Variants in PPP2R1B observed in about 807,000 individuals in gnomAD.
The protein encoded by PPP2R1B is serine/threonine-protein phosphatase 2A 65 kDa regulatory subunit A beta isoform.
Under a neutral mutation model 72.7 loss-of-function variants are expected in PPP2R1B, and 58 were observed. The observed-to-expected ratio is 0.80, with a 90% CI of 0.65 to 0.99. The LOEUF is 0.99. PPP2R1B is among the 50% of genes least tolerant of loss of function. The probability of loss-of-function intolerance (pLI) is 0.00; values close to 1 mark genes in which losing one functional copy is unlikely to be tolerated. For synonymous variants in PPP2R1B, 256 were observed against 264.6 expected (o/e 0.97, Z 0.32); for missense variants, 695 against 733.6 (o/e 0.95, Z 0.61).
intron 11 of PPP2R1B, among the ~76,000 whole-genome samples, chr11:111,745,940 G>C (rs1230608353): frequency 6.6e-6 from 1 of 152,210 alleles, no homozygotes; most frequent in Non-Finnish European, 1.5e-5. Flanking sequence ...AACAATTTCA[G>C]AGCTGTTATT....
chr11:111,754,642 AG>A (rs1945034241), intron 7 of PPP2R1B, 73 bp from the exon 8 acceptor site: 1 of 1,536,490 alleles, frequency 6.5e-7, no homozygotes, highest in Non-Finnish European at 8.7e-7. Context: ...ACATTTAACC[AG>A]GTTTATCAAT....
chr11:111,723,186 GTGTGAT>G (rs1248815463), downstream of PPP2R1B, among the ~76,000 whole-genome samples: 5 of 152,150 alleles, frequency 3.3e-5, no homozygotes, highest in East Asian at 9.6e-4. Flanking sequence ...AGAGGCCAAG[GTGTGAT>G]TATCTCCCCT....
chr11:111,703,478 T>C, the PPP2R1B span: 3 of 1,489,512 alleles, frequency 2.0e-6, no homozygotes, highest in Non-Finnish European at 2.8e-6. Flanking sequence ...TGAAATTTCA[T>C]GCTCACACCT....
At chr11:111,723,366 C>T (rs1943863138), downstream of PPP2R1B, 11 of 1,004,142 alleles carry the variant, frequency 1.1e-5, no homozygotes, top group South Asian at 1.5e-4. Flanking sequence ...GTTCCCATTC[C>T]CACTTGTTTT....
At position 111,742,853 on chromosome 11, in the gene PPP2R1B, G is replaced by T. The variant is rs546342838; in HGVS notation, c.1555-188C>A. On this transcript the variant is annotated intron_variant, in intron 12 of 14. Transcript: ENST00000527614. ...TTAGACCAGAATTCACAAATAAGTT[G>T]AACTTTTAAAATACTGTAGTTTTGT... 2.6e-5 allele frequency among the ~76,000 whole-genome samples: 4 copies of T among 151,276 alleles called. No individual in the cohort carries two copies. The South Asian group carries it at 8.3e-4, about 31-fold the overall frequency.
intron 12 of PPP2R1B, 144 bp downstream of exon 12, chr11:111,743,232 T>C (rs1944588027): frequency 1.1e-6 from 1 of 890,996 alleles, no homozygotes; most frequent in East Asian, 2.8e-5. Context: ...AAATTGACAT[T>C]TTCTCTCATC....
chr11:111,738,019 A>T lies in PPP2R1B; in HGVS notation c.*3577T>A, dbSNP rs1182223685. 1 of 1,009,204 alleles carries T rather than the reference A, an allele frequency of 9.9e-7. No homozygotes were observed. The highest frequency in any genetic ancestry group is 9.2e-5 in the East Asian group (1 of 10,912). The allele number at this position is 1,009,204 out of a possible 1,614,324, so 62.5% of individuals were successfully genotyped here. On this transcript the variant is annotated 3_prime_UTR_variant, in exon 15 of 15. Transcript: ENST00000527614. ...CGTTATGTAATTTCCTGGAAACAGCAGGCTCGTGGAGGCAAACGGGGGACA... is the reference window on the plus strand; with the variant it reads ...CGTTATGTAATTTCCTGGAAACAGCTGGCTCGTGGAGGCAAACGGGGGACA...
intron 1 of PPP2R1B, chr11:111,766,001 C>T (rs1305762500): frequency 6.8e-6 from 4 of 584,512 alleles, no homozygotes; most frequent in Non-Finnish European, 1.3e-5. Flanking sequence ...GACAACCGCC[C>T]GGGAAGGGCA....
At chr11:111,716,681 T>A in the PPP2R1B span, among the ~76,000 whole-genome samples, 1 of 152,194 alleles carries the variant, frequency 6.6e-6, no homozygotes, top group African/African-American at 2.4e-5. Context: ...TATTTTGTAA[T>A]AAAAGACATA....
the PPP2R1B span, among the ~76,000 whole-genome samples, chr11:111,697,017 T>C: frequency 1.3e-5 from 2 of 152,206 alleles, no homozygotes; most frequent in East Asian, 3.8e-4. Flanking sequence ...TTGCTGCCAC[T>C]TTTTAACCCT....
chr11:111,757,126 A>T (rs1005051264), intron 5 of PPP2R1B, among the ~76,000 whole-genome samples: 2 of 151,906 alleles, frequency 1.3e-5, no homozygotes, highest in African/African-American at 2.4e-5. Flanking sequence ...AAAAAAAAAA[A>T]CACCGAAAAA....
At chr11:111,763,459 T>C (rs2136116136) in intron 3 of PPP2R1B, among the ~76,000 whole-genome samples, 1 of 152,316 alleles carries the variant, frequency 6.6e-6, no homozygotes, top group East Asian at 1.9e-4. Context: ...CTGGGTGATG[T>C]GAACTGTAAG....
Position 111,755,020 on chromosome 11 carries a change from A to T in PPP2R1B, c.918T>A (p.Cys306Ter). The change falls in exon 7 of 15, where the codon TGT becomes TGA. Residue 306 changes from cysteine to a stop codon, truncating the protein, a stop_gained. Coordinates refer to ENST00000527614, the MANE Select transcript of PPP2R1B (RefSeq NM_002716.5). LOFTEE classifies it high-confidence loss of function. The stretch of plus-strand genomic sequence containing the variant: ...CAGCAGCTGCCCGGACTTCAGCTTC[A>T]CAGTCTTTAAGTAGGTTCTGAAAGG... ...IPAFQNLLKDCEAEVRAAAAH... is the reference protein window; with the variant it reads ...IPAFQNLLKD 6.2e-7 allele frequency: 1 copy of T among 1,614,090 alleles called. No individual in the cohort carries two copies. Among genetic ancestry groups the T allele is most frequent in the Non-Finnish European group, 8.5e-7 (1 of 1,179,968 alleles).
At chr11:111,753,049 A>G (rs782286933) in intron 9 of PPP2R1B, among the ~76,000 whole-genome samples, 2 of 152,256 alleles carry the variant, frequency 1.3e-5, no homozygotes, top group Non-Finnish European at 2.9e-5. Context: ...GCATGTAAAA[A>G]TACATGCAAA....
the PPP2R1B span, among the ~76,000 whole-genome samples, chr11:111,699,175 C>T: frequency 2.6e-5 from 4 of 152,134 alleles, no homozygotes; most frequent in African/African-American, 9.7e-5. Flanking sequence ...GAGAGAACTT[C>T]TCCCTGGCAC....
At chr11:111,743,346 G>T (rs1422498071) in intron 12 of PPP2R1B, 30 bp downstream of exon 12, 1 of 1,572,254 alleles carries the variant, frequency 6.4e-7, no homozygotes, top group Admixed American at 1.8e-5. Context: ...TAATGATTAA[G>T]CTTAGCAATA....
At chr11:111,703,456 C>T in the PPP2R1B span, 6 of 1,588,728 alleles carry the variant, frequency 3.8e-6, no homozygotes, top group Non-Finnish European at 5.2e-6. Flanking sequence ...GGTTCTACTG[C>T]ACTTAGCTAC....
At position 111,741,300 on chromosome 11, in the gene PPP2R1B, A is replaced by C. The variant is rs1338337809; in HGVS notation, c.*296T>G. On this transcript the variant is annotated 3_prime_UTR_variant, in exon 15 of 15. Coordinates refer to ENST00000527614, the MANE Select transcript of PPP2R1B (RefSeq NM_002716.5). ...CATTATGTGGCTGGTGCCTGATTCC[A>C]CAGTGAGGATGCAGGAGCCCAGGTG... The C allele has an allele frequency of 7.5e-6, 9 of 1,204,404 alleles. No individual in the cohort carries two copies. The highest frequency in any genetic ancestry group is 9.3e-6 in the Non-Finnish European group (9 of 967,326). The allele number at this position is 1,204,404 out of a possible 1,614,324, so 74.6% of individuals were successfully genotyped here. A position where few individuals can be genotyped will look rare whatever the true frequency, so the allele number is the denominator to read the frequency against.
At chr11:111,754,227 T>G (rs1322802853) in intron 8 of PPP2R1B, among the ~76,000 whole-genome samples, 2 of 152,222 alleles carry the variant, frequency 1.3e-5, no homozygotes, top group African/African-American at 4.8e-5. Context: ...CCAAGGAATT[T>G]AAAGACAGCA....
Sources: allele counts gnomAD v4.1 joint callset (sites outside exome capture counted in the v4.1 genomes callset), GRCh38; gene constraint gnomAD v4.1.1; transcripts MANE v1.5; gene names NCBI Gene and HGNC (gene_info 2026-07-23, HGNC 2026-07-21).